NUDC: variants seen among roughly 807,000 people sequenced by gnomAD.
NUDC encodes nuclear migration protein nudC.
Under a neutral mutation model 45.0 loss-of-function variants are expected in NUDC, and 14 were observed. That is an observed-to-expected ratio of 0.31 (90% CI 0.21 to 0.49). The LOEUF (loss-of-function observed/expected upper bound fraction) is 0.49. Among genes scored for constraint, NUDC ranks in the 20% least tolerant of loss-of-function variants. The pLI, the probability that NUDC is intolerant of heterozygous loss-of-function variation, is 0.99. For synonymous variants in NUDC, 153 were observed against 156.7 expected (o/e 0.98, Z 0.17); for missense variants, 323 against 426.2 (o/e 0.76, Z 2.13).
intron 2 of NUDC, among the ~76,000 whole-genome samples, chr1:26,941,086 T>A (rs1003472975): frequency 5.2e-5 from 6 of 114,368 alleles, no homozygotes; most frequent in African/African-American, 1.9e-4. Flanking sequence ...CATGCCCAGC[T>A]TTTTTTTTTT....
chr1:26,927,643 G>T (rs908590474), intron 2 of NUDC, among the ~76,000 whole-genome samples: 1 of 151,726 alleles, frequency 6.6e-6, no homozygotes, highest in Non-Finnish European at 1.5e-5. Flanking sequence ...TGATCTGCCC[G>T]CTTCGGCCCC....
At chr1:26,921,952 C>A in intron 1 of NUDC, 23 bp downstream of exon 1, 1 of 1,547,626 alleles carries the variant, frequency 6.5e-7, no homozygotes, top group Non-Finnish European at 8.7e-7. Flanking sequence ...GCGGCGTCGG[C>A]CCACCCGGCG....
At chr1:26,911,668 C>T in intron 3 of NUDC, 1 of 748,246 alleles carries the variant, frequency 1.3e-6, no homozygotes. Context: ...AACACTGTGT[C>T]CAAACCAAGG....
chr1:26,917,886 CAA>C (rs1391928118), upstream of NUDC, among the ~76,000 whole-genome samples: 9 of 107,088 alleles, frequency 8.4e-5, no homozygotes, highest in Non-Finnish European at 3.9e-5. Context: ...GACTGCGTCT[CAA>C]AAAAAAAAAA....
upstream of NUDC, among the ~76,000 whole-genome samples, chr1:26,919,040 A>G (rs893253913): frequency 6.7e-6 from 1 of 150,188 alleles, no homozygotes; most frequent in African/African-American, 2.4e-5. Flanking sequence ...GGCCTCCTAA[A>G]GTGCTGGGAT....
At chr1:26,912,127 C>T (rs957541325) in intron 3 of NUDC, 1 of 1,610,338 alleles carries the variant, frequency 6.2e-7, no homozygotes, top group Non-Finnish European at 8.5e-7. Context: ...GAGCACCCTA[C>T]TCCCAGCCAC....
intron 1 of NUDC, among the ~76,000 whole-genome samples, chr1:26,923,481 C>CT (rs147325289): frequency 7.3e-5 from 11 of 151,490 alleles, no homozygotes; most frequent in South Asian, 2.1e-4. Flanking sequence ...TAGCCAGTGT[C>CT]TTTTTTTTTG....
At chr1:26,943,847 A>C (rs11807824) in intron 6 of NUDC, among the ~76,000 whole-genome samples, 16,639 of 152,104 alleles carry the variant, frequency 0.11, 1,199 homozygotes, top group African/African-American at 0.21. Context: ...AAGACCCTGT[A>C]ACAGCCTGTC....
At chr1:26,919,166 C>G (rs1316023446), upstream of NUDC, among the ~76,000 whole-genome samples, 2 of 151,882 alleles carry the variant, frequency 1.3e-5, no homozygotes, top group African/African-American at 4.8e-5. Flanking sequence ...TCACTGCAGC[C>G]TTGACCTCCC....
At chr1:26,915,020 T>C (rs2082054540) in intron 3 of NUDC, among the ~76,000 whole-genome samples, 1 of 147,710 alleles carries the variant, frequency 6.8e-6, no homozygotes, top group Non-Finnish European at 1.5e-5. Flanking sequence ...TGTATATTTA[T>C]ATGTATATGT....
chr1:26,931,586 C>T (rs12758606), intron 2 of NUDC, among the ~76,000 whole-genome samples: 43,248 of 148,978 alleles, frequency 0.29, 7,116 homozygotes, highest in Non-Finnish European at 0.37. Flanking sequence ...CGAGACTATC[C>T]TGGCCAACGC....
intron 2 of NUDC, among the ~76,000 whole-genome samples, chr1:26,937,141 GCCAA>G (rs1302480711): frequency 2.6e-5 from 4 of 152,186 alleles, no homozygotes; most frequent in Non-Finnish European, 5.9e-5. Context: ...TTCAGGAACA[GCCAA>G]ATAGCTGTGT....
chr1:26,927,285 G>GTGTGTC (rs1177945550), intron 2 of NUDC, among the ~76,000 whole-genome samples: 3 of 149,928 alleles, frequency 2.0e-5, no homozygotes, highest in Non-Finnish European at 3.0e-5. Flanking sequence ...GTGTGTGTGT[G>GTGTGTC]TGTGTGTGTG....
intron 3 of NUDC, chr1:26,911,783 G>A (rs2082028335): frequency 1.2e-6 from 2 of 1,609,940 alleles, no homozygotes; most frequent in Non-Finnish European, 1.7e-6. Context: ...CTCTGGGGAT[G>A]GCCAGGCTGA....
chr1:26,940,842 C>T (rs963385881), intron 2 of NUDC, among the ~76,000 whole-genome samples: 3 of 151,872 alleles, frequency 2.0e-5, no homozygotes, highest in East Asian at 3.9e-4. Flanking sequence ...CACGCCACCG[C>T]GCCTGGCTAA....
In NUDC at chr1:26,921,756, G is replaced by T; in HGVS notation, c.-93G>T. On this transcript the variant is annotated 5_prime_UTR_variant, in exon 1 of 9. Transcript: ENST00000321265. ...TCCGGCTCCGCTGCGGAAGGCGGAC[G>T]ACTAGAGTCGTTGGGCCCGGCGCGA... The T allele has an allele frequency of 3.7e-6, 5 of 1,356,852 alleles. No homozygotes were observed. In the South Asian group the frequency reaches 5.0e-5, roughly 14 times the overall value. The allele number at this position is 1,356,852 out of a possible 1,614,324, so 84.1% of individuals were successfully genotyped here.
Position 26,946,719 on chromosome 1 carries a change from G to T in NUDC, c.*538G>T, listed in dbSNP as rs1255157947. 5.6e-5 allele frequency: 10 copies of T among 179,660 alleles called. No individual in the cohort carries two copies. In the East Asian group the frequency reaches 1.1e-3, roughly 20 times the overall value. The allele number at this position is 179,660 out of a possible 1,614,324, so 11.1% of individuals were successfully genotyped here. On this transcript the variant is annotated 3_prime_UTR_variant, in exon 9 of 9. Transcript: ENST00000321265. Reference sequence around the variant, plus strand: ...ATACAAAAATTAGCCGGGTGTGGTGGTGCACACCTGTAATCCCAGCTACTC... The same window carrying T: ...ATACAAAAATTAGCCGGGTGTGGTGTTGCACACCTGTAATCCCAGCTACTC...
intron 2 of NUDC, among the ~76,000 whole-genome samples, chr1:26,927,264 CGTGTGTGTGTGT>C (rs60238934): frequency 1.6e-4 from 15 of 91,832 alleles, no homozygotes; most frequent in South Asian, 1.6e-3. Context: ...AGAGATGAAC[CGTGTGTGTGTGT>C]GTGTGTGTGT....
upstream of NUDC, among the ~76,000 whole-genome samples, chr1:26,919,092 T>C (rs1414880187): frequency 5.3e-5 from 8 of 150,668 alleles, no homozygotes; most frequent in Non-Finnish European, 1.2e-4. Flanking sequence ...TTTTTTTTTT[T>C]CCTTTGTTTG....
Sources: gnomAD v4.1 joint callset for allele counts (sites outside exome capture counted in the v4.1 genomes callset) on GRCh38, gnomAD v4.1.1 for gene constraint, MANE v1.5 for transcripts, NCBI Gene and HGNC (gene_info 2026-07-23, HGNC 2026-07-21) for gene names.